XYLT1: variants seen among roughly 807,000 people sequenced by gnomAD.
The protein encoded by XYLT1 is xylosyltransferase 1, also known as beta-D-xylosyltransferase 1.
In XYLT1, 36 loss-of-function variants were observed where a neutral mutation model predicts 91.3. The observed-to-expected ratio is 0.39, with a 90% CI of 0.30 to 0.52. The LOEUF (loss-of-function observed/expected upper bound fraction) is 0.52. XYLT1 is among the 20% of genes least tolerant of loss of function. XYLT1 has a pLI of 0.68. For synonymous variants in XYLT1, 588 were observed against 532.0 expected (o/e 1.11, Z -1.45); for missense variants, 1,242 against 1,284.5 (o/e 0.97, Z 0.51).
intron 11 of XYLT1, among the ~76,000 whole-genome samples, chr16:17,114,475 C>T (rs1183929329): frequency 6.6e-6 from 1 of 152,192 alleles, no homozygotes; most frequent in Admixed American, 6.5e-5. Context: ...GAACTGATTG[C>T]TTGCTTGCTG....
intron 1 of XYLT1, chr16:17,403,649 C>T: frequency 6.6e-6 from 1 of 152,208 alleles, no homozygotes; most frequent in East Asian, 1.9e-4. Context: ...CCCACCGGGT[C>T]CCTCCCACAA....
At chr16:17,432,988 C>A (rs975674603) in intron 1 of XYLT1, among the ~76,000 whole-genome samples, 5 of 152,188 alleles carry the variant, frequency 3.3e-5, no homozygotes, top group Admixed American at 6.5e-5. Flanking sequence ...CTCGAAGATG[C>A]CTCCAAACCC....
intron 2 of XYLT1, among the ~76,000 whole-genome samples, 153 bp downstream of exon 2, chr16:17,357,859 G>C (rs957798961): frequency 1.3e-5 from 2 of 152,236 alleles, no homozygotes; most frequent in African/African-American, 2.4e-5. Context: ...CTATATGCCA[G>C]TGTGTATACA....
Position 17,141,138 on chromosome 16 carries a change from T to C in XYLT1, c.1587+15A>G. On this transcript the variant is annotated intron_variant, in intron 7 of 11. Transcript: ENST00000261381. Reference sequence around the variant, plus strand: ...AGCCCCTATCTTTCTTGGGAAAATTTTCCCAGATACTCACCTCAGCAGGAA... The same window carrying C: ...AGCCCCTATCTTTCTTGGGAAAATTCTCCCAGATACTCACCTCAGCAGGAA... 6.2e-7 allele frequency: 1 copy of C among 1,609,626 alleles called. No individual in the cohort carries two copies. The highest frequency in any genetic ancestry group is 8.5e-7 in the Non-Finnish European group (1 of 1,176,646).
At chr16:17,413,713 C>G (rs1316441578) in intron 1 of XYLT1, among the ~76,000 whole-genome samples, 1 of 152,092 alleles carries the variant, frequency 6.6e-6, no homozygotes, top group East Asian at 1.9e-4. Context: ...GCTGAGATGA[C>G]AGATTTTCTG....
chr16:17,131,982 G>C (rs2030499144), intron 9 of XYLT1, among the ~76,000 whole-genome samples: 1 of 151,926 alleles, frequency 6.6e-6, no homozygotes, highest in African/African-American at 2.4e-5. Context: ...AGGATTCCTG[G>C]CTCGAGGCAA....
intron 1 of XYLT1, among the ~76,000 whole-genome samples, chr16:17,404,693 C>A (rs558274193): frequency 6.6e-6 from 1 of 152,064 alleles, no homozygotes; most frequent in Non-Finnish European, 1.5e-5. Flanking sequence ...TCCAACAACT[C>A]GGGAGGCTGA....
rs7185186 is a variant in XYLT1 at position 17,331,864 on chromosome 16, A to G, written c.402+26148T>C. 6.1e-3 allele frequency among the ~76,000 whole-genome samples: 922 copies of G among 152,302 alleles called. 8 individuals are homozygous for G. Among genetic ancestry groups the G allele is most frequent in the African/African-American group, 0.021 (874 of 41,560 alleles). On this transcript the variant is annotated intron_variant, in intron 2 of 11. Transcript: ENST00000261381. ...GCCAAGAGCATCTCATATGGCTTGA[A>G]TGTAAGTTTCCCTAACTACTTTGCT...
intron 5 of XYLT1, among the ~76,000 whole-genome samples, chr16:17,167,352 T>A (rs1360131434): frequency 6.6e-6 from 1 of 152,266 alleles, no homozygotes; most frequent in African/African-American, 2.4e-5. Flanking sequence ...AGGGTGTATG[T>A]CTTTTTCCTG....
intron 1 of XYLT1, among the ~76,000 whole-genome samples, chr16:17,407,250 C>T (rs532408869): frequency 4.6e-5 from 7 of 152,246 alleles, no homozygotes; most frequent in Admixed American, 2.6e-4. Flanking sequence ...CTGCCTGCCT[C>T]GGCCTCCCAA....
chr16:17,321,507 A>C (rs1029438295), intron 2 of XYLT1, among the ~76,000 whole-genome samples: 22 of 151,578 alleles, frequency 1.5e-4, no homozygotes, highest in African/African-American at 5.3e-4. Flanking sequence ...ACAGGAATGC[A>C]CCACCACGCT....
At chr16:17,314,999 A>G (rs901592672) in intron 2 of XYLT1, among the ~76,000 whole-genome samples, 2 of 152,190 alleles carry the variant, frequency 1.3e-5, no homozygotes, top group African/African-American at 4.8e-5. Flanking sequence ...TGAAAGAGGC[A>G]TGAGGAGCCA....
At chr16:17,301,050 C>T (rs942564546) in intron 2 of XYLT1, among the ~76,000 whole-genome samples, 1 of 152,006 alleles carries the variant, frequency 6.6e-6, no homozygotes, top group African/African-American at 2.4e-5. Context: ...AGCACATATT[C>T]TCAATAGGGA....
At chr16:17,428,475 T>G (rs2036345929) in intron 1 of XYLT1, among the ~76,000 whole-genome samples, 1 of 152,200 alleles carries the variant, frequency 6.6e-6, no homozygotes, top group Non-Finnish European at 1.5e-5. Flanking sequence ...AATTAAGAGA[T>G]GCACCTGACT....
At chr16:17,261,037 C>A (rs1246655459) in intron 2 of XYLT1, among the ~76,000 whole-genome samples, 1 of 152,052 alleles carries the variant, frequency 6.6e-6, no homozygotes, top group Non-Finnish European at 1.5e-5. Flanking sequence ...AGTTTGAGAC[C>A]AGCCTGGTCA....
At chr16:17,392,675 C>G (rs753871617) in intron 1 of XYLT1, among the ~76,000 whole-genome samples, 18 of 152,160 alleles carry the variant, frequency 1.2e-4, no homozygotes, top group Admixed American at 8.5e-4. Context: ...ACTGCCTTTC[C>G]CTTTGTTCCT....
intron 2 of XYLT1, among the ~76,000 whole-genome samples, chr16:17,326,191 T>C (rs2034798606): frequency 7.0e-6 from 1 of 142,726 alleles, no homozygotes. Flanking sequence ...CTACTCTCAA[T>C]ACATTTTTAA....
chr16:17,370,013 G>C (rs1456097622), intron 1 of XYLT1, among the ~76,000 whole-genome samples: 4 of 152,180 alleles, frequency 2.6e-5, no homozygotes, highest in African/African-American at 9.7e-5. Context: ...AGTATGGCCT[G>C]GGATAGAACA....
chr16:17,355,741 ACT>A (rs1376071155), intron 2 of XYLT1, among the ~76,000 whole-genome samples: 3 of 151,938 alleles, frequency 2.0e-5, no homozygotes, highest in African/African-American at 7.3e-5. Flanking sequence ...ACCGAGTCTC[ACT>A]CTGTCACCCA....
Sources: allele counts gnomAD v4.1 joint callset (sites outside exome capture counted in the v4.1 genomes callset), GRCh38; gene constraint gnomAD v4.1.1; transcripts MANE v1.5; gene names NCBI Gene and HGNC (gene_info 2026-07-23, HGNC 2026-07-21).